The following DHRSX variants were observed in gnomAD, a reference collection of about 807,000 sequenced individuals.
The protein encoded by DHRSX is dehydrogenase/reductase X-linked.
In DHRSX, 31 loss-of-function variants were observed where a neutral mutation model predicts 34.0. That is an observed-to-expected ratio of 0.91 (90% CI 0.69 to 1.23). The LOEUF is 1.23. DHRSX is among the 50% of genes most tolerant of loss of function. The pLI is 0.00. For synonymous variants in DHRSX, 201 were observed against 183.8 expected (o/e 1.09, Z -0.76); for missense variants, 414 against 428.1 (o/e 0.97, Z 0.29).
At position 2,500,881 on chromosome X, in the gene DHRSX, C is replaced by T. The variant is rs964252205; in HGVS notation, c.45G>A (p.Ala15=). 3.5e-6 allele frequency: 4 copies of T among 1,150,152 alleles called. No individual in the cohort carries two copies. Among genetic ancestry groups the T allele is most frequent in the African/African-American group, 1.7e-5 (1 of 60,412 alleles). 71.2% of individuals were successfully genotyped at this position (1,150,152 alleles called of 1,614,324 possible). A position where few individuals can be genotyped will look rare whatever the true frequency, so the allele number is the denominator to read the frequency against. The change falls in exon 1 of 7, where the codon GCG becomes GCA. Residue 15 remains alanine, a synonymous_variant. Coordinates refer to ENST00000334651, the MANE Select transcript of DHRSX (RefSeq NM_145177.3). ...SAARAALRVY[A]VGAAVILAQL... is the part of the protein sequence containing the mutation. ...GCGCCAGGATCACCGCGGCGCCTACCGCGTAGACCCGCAGGGCCGCCCGCG... is the reference window on the plus strand; with the variant it reads ...GCGCCAGGATCACCGCGGCGCCTACTGCGTAGACCCGCAGGGCCGCCCGCG...
intron 4 of DHRSX, among the ~76,000 whole-genome samples, chrX:2,268,355 T>A (rs1001749243): frequency 3.9e-5 from 6 of 152,244 alleles, no homozygotes; most frequent in African/African-American, 1.4e-4. Flanking sequence ...ATAATGTAGA[T>A]GTGTATACAT....
intron 3 of DHRSX, among the ~76,000 whole-genome samples, chrX:2,402,926 AG>A (rs1464954699): frequency 2.3e-5 from 3 of 129,872 alleles, no homozygotes; most frequent in African/African-American, 9.1e-5. Context: ...TCTGTAGTCC[AG>A]GTTGGAGTGC....
chrX:2,460,204 G>C (rs1202987023), intron 1 of DHRSX, among the ~76,000 whole-genome samples: 1 of 152,092 alleles, frequency 6.6e-6, no homozygotes, highest in East Asian at 1.9e-4. Context: ...ACAAAGCGGC[G>C]AGTGTTCCCA....
chrX:2,407,610 T>C (rs1921964), intron 3 of DHRSX, among the ~76,000 whole-genome samples: 17,039 of 152,178 alleles, frequency 0.11, 1,033 homozygotes, highest in East Asian at 0.18. Context: ...TTCAGCCAAA[T>C]CTTATTCGGG....
At chrX:2,358,830 C>T (rs1465185516) in intron 3 of DHRSX, among the ~76,000 whole-genome samples, 1 of 151,776 alleles carries the variant, frequency 6.6e-6, no homozygotes, top group African/African-American at 2.4e-5. Context: ...AAGTCAAAAA[C>T]CAAAGCTACT....
intron 3 of DHRSX, among the ~76,000 whole-genome samples, chrX:2,349,677 A>G (rs1410602724): frequency 6.9e-6 from 1 of 144,452 alleles, no homozygotes; most frequent in African/African-American, 2.6e-5. Flanking sequence ...ACAGAGTGAC[A>G]CTCAGTCTCA....
chrX:2,319,206 T>G (rs2042276658), intron 3 of DHRSX, among the ~76,000 whole-genome samples: 1 of 114,070 alleles, frequency 8.8e-6, no homozygotes. Context: ...TCCCTCTTCG[T>G]CCCCCCTCCT....
chrX:2,351,292 C>A (rs1229954965), intron 3 of DHRSX, among the ~76,000 whole-genome samples: 6 of 152,182 alleles, frequency 3.9e-5, no homozygotes, highest in African/African-American at 1.4e-4. Context: ...TGTTCGGCTA[C>A]ATCGTAACAT....
chrX:2,316,693 A>AC (rs2042244947), intron 3 of DHRSX, among the ~76,000 whole-genome samples: 1 of 152,154 alleles, frequency 6.6e-6, no homozygotes, highest in South Asian at 2.1e-4. Context: ...CTTTGATTAA[A>AC]CCCACGTATG....
intron 1 of DHRSX, among the ~76,000 whole-genome samples, chrX:2,469,749 C>T (rs1338192181): frequency 3.3e-5 from 5 of 149,436 alleles, no homozygotes; most frequent in Admixed American, 1.3e-4. Flanking sequence ...GCCAAGGGAC[C>T]GACACCATGT....
At chrX:2,381,795 A>T (rs28428771) in intron 3 of DHRSX, among the ~76,000 whole-genome samples, 1 of 97,562 alleles carries the variant, frequency 1.0e-5, no homozygotes, top group African/African-American at 3.7e-5. Context: ...GGAAGCCACA[A>T]CCAAAAAAAA....
chrX:2,359,447 G>A (rs1459972210), intron 3 of DHRSX, among the ~76,000 whole-genome samples: 1 of 152,214 alleles, frequency 6.6e-6, no homozygotes, highest in Non-Finnish European at 1.5e-5. Flanking sequence ...GGAGGCCAAG[G>A]CGGGTGGATC....
intron 1 of DHRSX, among the ~76,000 whole-genome samples, chrX:2,441,569 A>C (rs923420586): frequency 1.3e-5 from 2 of 152,190 alleles, no homozygotes; most frequent in African/African-American, 4.8e-5. Flanking sequence ...CCAGATGCCC[A>C]TGGAGACATG....
intron 3 of DHRSX, among the ~76,000 whole-genome samples, chrX:2,323,586 G>C (rs1422064970): frequency 1.3e-5 from 2 of 152,146 alleles, no homozygotes; most frequent in African/African-American, 4.8e-5. Flanking sequence ...AACAGAGGAA[G>C]ATCCCATCTC....
At chrX:2,489,617 T>G in intron 1 of DHRSX, 1 of 1,612,650 alleles carries the variant, frequency 6.2e-7, no homozygotes, top group African/African-American at 1.3e-5. Flanking sequence ...GATGACGAAC[T>G]GCTGCTCCTT....
intron 3 of DHRSX, among the ~76,000 whole-genome samples, chrX:2,338,983 A>G (rs1251284605): frequency 6.6e-6 from 1 of 151,850 alleles, no homozygotes; most frequent in East Asian, 1.9e-4. Context: ...AAGCTGGTAC[A>G]CTCATGGAAT....
intron 1 of DHRSX, chrX:2,490,112 C>T: frequency 6.2e-7 from 1 of 1,613,920 alleles, no homozygotes; most frequent in Non-Finnish European, 8.5e-7. Context: ...CTGATTCTCA[C>T]TCCTCCACAT....
chrX:2,442,124 T>C (rs2044069974), intron 1 of DHRSX, among the ~76,000 whole-genome samples: 1 of 152,198 alleles, frequency 6.6e-6, no homozygotes, highest in African/African-American at 2.4e-5. Flanking sequence ...CTATGTATTA[T>C]ATACTGCATT....
At chrX:2,329,250 A>T (rs1175709452) in intron 3 of DHRSX, among the ~76,000 whole-genome samples, 1 of 152,098 alleles carries the variant, frequency 6.6e-6, no homozygotes, top group Non-Finnish European at 1.5e-5. Context: ...ATAGTCCATG[A>T]CATCGGTCTA....
Sources: allele counts gnomAD v4.1 joint callset (sites outside exome capture counted in the v4.1 genomes callset), GRCh38; gene constraint gnomAD v4.1.1; transcripts MANE v1.5; gene names NCBI Gene and HGNC (gene_info 2026-07-23, HGNC 2026-07-21).